Variants in PCNX4 observed in about 807,000 individuals in gnomAD.
PCNX4 encodes the protein pecanex 4, also known as pecanex-like protein 4.
A neutral mutation model predicts 107.2 loss-of-function variants in PCNX4; 103 were observed. The observed-to-expected ratio is 0.96, with a 90% CI of 0.82 to 1.13. The LOEUF is 1.13. Among genes scored for constraint, PCNX4 ranks in the 50% most tolerant of loss-of-function variants. The pLI is 0.00. For synonymous variants in PCNX4, 541 were observed against 481.7 expected, an observed-to-expected ratio of 1.12 and a Z score of -1.61; for missense variants, 1,528 against 1,379.4, an observed-to-expected ratio of 1.11 and a Z score of -1.71.
rs1896251011 is a variant in PCNX4, at chr14:60,137,284, G to A, written c.*3063G>A. 6.6e-6 allele frequency: 1 copy of A among 152,146 alleles called. No individual in the cohort carries two copies. Among genetic ancestry groups the A allele is most frequent in the African/African-American group, 2.4e-5 (1 of 41,412 alleles). 9.4% of individuals were successfully genotyped at this position (152,146 alleles called of 1,614,324 possible). ...ATAACAGCCTTGCTGCTGAGTTAGA[G>A]GGACAAAAACTGGAGACCAAGACTC... is the stretch of plus-strand genomic sequence containing the variant. On this transcript the variant is annotated 3_prime_UTR_variant, in exon 11 of 11. Transcript: ENST00000406854.
intron 1 of PCNX4, among the ~76,000 whole-genome samples, chr14:60,101,142 A>C (rs1260042855): frequency 1.3e-5 from 2 of 152,206 alleles, no homozygotes; most frequent in African/African-American, 4.8e-5. Context: ...AAAATGTTTA[A>C]ATTTACCTAT....
In PCNX4 at chr14:60,125,243, A is replaced by G. The variant is rs1238674536; in HGVS notation, c.3072A>G (p.Lys1024=). Residue 1024 remains lysine, a synonymous_variant, in exon 9 of 11, where the codon AAA becomes AAG. Transcript: ENST00000406854. ...EKPELFQLAL[K]AFRYTLKLMI... The stretch of plus-strand genomic sequence containing the variant: ...CAGAACTGTTTCAACTAGCACTGAA[A>G]GCATTCAGGTAATCCATTTTGATCA... The G allele has an allele frequency of 6.4e-7, 1 of 1,561,876 alleles. No individual in the cohort carries two copies. The highest frequency in any genetic ancestry group is 8.6e-7 in the Non-Finnish European group (1 of 1,158,156).
At chr14:60,106,221 A>G (rs1416211645) in intron 1 of PCNX4, among the ~76,000 whole-genome samples, 1 of 152,140 alleles carries the variant, frequency 6.6e-6, no homozygotes, top group Non-Finnish European at 1.5e-5. Flanking sequence ...CCTCCCTCAT[A>G]TACCAAAATC....
At position 60,148,191 on chromosome 14, in the gene PCNX4, A is replaced by G. The variant is rs1896454872; in HGVS notation, c.*13970A>G. 1 of 152,202 alleles carries G rather than the reference A, an allele frequency of 6.6e-6. No individual in the cohort carries two copies. The highest frequency in any genetic ancestry group is 2.4e-5 in the African/African-American group (1 of 41,448). The allele number at this position is 152,202 out of a possible 1,614,324, so 9.4% of individuals were successfully genotyped here. A position where few individuals can be genotyped will look rare whatever the true frequency, so the allele number is the denominator to read the frequency against. On this transcript the variant is annotated 3_prime_UTR_variant, in exon 11 of 11. Transcript: ENST00000406854. This position sits in a 1 kb window ranked among gnomAD's most constrained non-coding sequence, Gnocchi z 4.8. ...CCCTAATTCATTTTCACTGTCCTGC[A>G]AAGAGTTGGAATAAATTAAATGTCT...
chr14:60,105,320 G>C (rs576477416), intron 1 of PCNX4, among the ~76,000 whole-genome samples: 33 of 152,278 alleles, frequency 2.2e-4, no homozygotes, highest in African/African-American at 7.9e-4. Context: ...CATCATCCTA[G>C]GCAAAGGAGA....
In PCNX4 at chr14:60,135,851, T is replaced by C. The variant is rs1253410323; in HGVS notation, c.*1630T>C. 1.3e-5 allele frequency: 2 copies of C among 152,002 alleles called. No homozygotes were observed. The highest frequency in any genetic ancestry group is 4.8e-5 in the African/African-American group (2 of 41,344). The allele number at this position is 152,002 out of a possible 1,614,324, so 9.4% of individuals were successfully genotyped here. A position where few individuals can be genotyped will look rare whatever the true frequency, so the allele number is the denominator to read the frequency against. ...AGGCGTGAGCCACCGTGCCCAGCCA[T>C]AATTATCACTTTTAATGACAGCATA... On this transcript the variant is annotated 3_prime_UTR_variant, in exon 11 of 11. Transcript: ENST00000406854.
Position 60,107,750 on chromosome 14 carries a change from C to G in PCNX4, c.112C>G (p.Pro38Ala). 1 of 1,612,672 alleles carries G rather than the reference C, an allele frequency of 6.2e-7. No individual in the cohort carries two copies. Among genetic ancestry groups the G allele is most frequent in the Non-Finnish European group, 8.5e-7 (1 of 1,179,764 alleles). ...PRFKLGYCAP[P>A]YIYVNQIILF... ...ATTCAAATTAGGCTATTGTGCCCCT[C>G]CTTACATATATGTTAATCAAATTAT... is the stretch of plus-strand genomic sequence containing the variant. Residue 38 changes from proline (P) to alanine (A), a missense_variant, in exon 2 of 11, where the codon CCT (proline) becomes GCT (alanine). Physicochemically the swap from Pro to Ala is conservative, Grantham distance 27. Transcript: ENST00000406854.
intron 1 of PCNX4, among the ~76,000 whole-genome samples, chr14:60,100,598 G>A (rs576335703): frequency 4.1e-4 from 63 of 152,220 alleles, no homozygotes; most frequent in Admixed American, 9.8e-4. Flanking sequence ...CGTGCCCTCC[G>A]TAATTAATAT....
intron 1 of PCNX4, among the ~76,000 whole-genome samples, chr14:60,102,601 A>G (rs1895554268): frequency 6.6e-6 from 1 of 152,162 alleles, no homozygotes; most frequent in Non-Finnish European, 1.5e-5. Context: ...GCCCACTTTC[A>G]GAGTAGTATG....
chr14:60,099,395 TAAAC>T (rs1895487831), intron 1 of PCNX4, among the ~76,000 whole-genome samples: 1 of 152,226 alleles, frequency 6.6e-6, no homozygotes, highest in Non-Finnish European at 1.5e-5. Flanking sequence ...TAATCATTTT[TAAAC>T]AAGCAGAAAT....
chr14:60,115,604 C>A, intron 4 of PCNX4, 115 bp from the exon 5 acceptor site: 2 of 1,336,902 alleles, frequency 1.5e-6, no homozygotes, highest in Non-Finnish European at 2.0e-6. Flanking sequence ...TGTTTATTGG[C>A]TTTTTAGTTC....
intron 1 of PCNX4, among the ~76,000 whole-genome samples, chr14:60,095,109 C>T (rs550049412): frequency 2.0e-5 from 3 of 152,106 alleles, no homozygotes; most frequent in African/African-American, 7.2e-5. Context: ...GGAGGCAAGT[C>T]TATGTCTTTC....
intron 1 of PCNX4, among the ~76,000 whole-genome samples, chr14:60,095,091 C>A (rs567518822): frequency 6.6e-6 from 1 of 152,150 alleles, no homozygotes; most frequent in East Asian, 1.9e-4. Context: ...AAGTTAAGGA[C>A]GTGCCCGGGA....
In PCNX4 at chr14:60,125,039, T is replaced by G. The variant is rs148204421; in HGVS notation, c.2868T>G (p.Asn956Lys). The G allele has an allele frequency of 5.0e-6, 8 of 1,613,588 alleles. No individual in the cohort carries two copies. The African/African-American group carries it at 1.1e-4, about 22-fold the overall frequency. Residue 956 changes from asparagine to lysine, a missense_variant, in exon 9 of 11, where the codon AAT becomes AAG. Transcript: ENST00000406854. The stretch of plus-strand genomic sequence containing the variant: ...ATCATTCAGAAGAGAAGGCCTCAAA[T>G]GTACTGGAAGAAATTGCCAAGGACA... ...ECYHSEEKAS[N>K]VLEEIAKDKV...
chr14:60,117,012 A>C (rs1447163109), intron 6 of PCNX4, among the ~76,000 whole-genome samples: 9 of 152,208 alleles, frequency 5.9e-5, no homozygotes, highest in Non-Finnish European at 1.3e-4. Context: ...AATGTGTTTT[A>C]AGCTAAGTGT....
rs1895302615 is a variant in PCNX4, at chr14:60,092,014, C to G, written c.-459C>G. ...GCCCAGTGCGAGACCAGAGCACGAG[C>G]GACTCCCGTCGTCCCCGGCCAGGCA... is the stretch of plus-strand genomic sequence containing the variant. On this transcript the variant is annotated 5_prime_UTR_variant, in exon 1 of 11. Coordinates refer to ENST00000406854, the MANE Select transcript of PCNX4 (RefSeq NM_001330177.2). 6 of 152,400 alleles carry G rather than the reference C, an allele frequency of 3.9e-5. No homozygotes were observed. The allele number at this position is 152,400 out of a possible 1,614,324, so 9.4% of individuals were successfully genotyped here.
chr14:60,128,627 A>G (rs1170731533), intron 10 of PCNX4, among the ~76,000 whole-genome samples: 3 of 152,248 alleles, frequency 2.0e-5, no homozygotes, highest in Non-Finnish European at 4.4e-5. Context: ...ACCACAGACA[A>G]TAATTCAAAT....
intron 6 of PCNX4, 148 bp downstream of exon 6, chr14:60,116,208 A>G (rs138508069): frequency 4.0e-6 from 3 of 755,970 alleles, no homozygotes; most frequent in South Asian, 2.4e-5. Context: ...CTCAACTGTT[A>G]TTTCCCATTC....
Position 60,118,673 on chromosome 14 carries a change from A to C in PCNX4, c.1923A>C (p.Ala641=), listed in dbSNP as rs2140554202. ...VPRLTAVLQT[A]MAAGSLGLLL... is the part of the protein sequence containing the mutation. ...GGTTGACTGCTGTACTGCAGACTGC[A>C]ATGGCAGCTGGAAGTTTAGGTAAGT... The change falls in exon 7 of 11, where the codon GCA becomes GCC. Residue 641 remains alanine (A), a synonymous_variant. Transcript: ENST00000406854. 1.3e-6 allele frequency: 2 copies of C among 1,578,786 alleles called. No homozygotes were observed. Among genetic ancestry groups the C allele is most frequent in the East Asian group, 4.5e-5 (2 of 44,184 alleles).
Sources: gnomAD v4.1 joint callset for allele counts (sites outside exome capture counted in the v4.1 genomes callset) on GRCh38, gnomAD v4.1.1 for gene constraint, Gnocchi (gnomAD v3.1) non-coding constraint, MANE v1.5 for transcripts, NCBI Gene and HGNC (gene_info 2026-07-23, HGNC 2026-07-21) for gene names.